TTC24: variants seen among roughly 807,000 people sequenced by gnomAD.
The protein encoded by TTC24 is tetratricopeptide repeat domain 24.
In TTC24, 54 loss-of-function variants were observed where a neutral mutation model predicts 63.3. The ratio of observed to expected loss-of-function variants is 0.85; its 90% confidence interval spans 0.69 to 1.07. The LOEUF (loss-of-function observed/expected upper bound fraction) is 1.07. Ranked by LOEUF, TTC24 falls within the 50% of genes least tolerant of loss-of-function variation. The pLI is 0.00. For synonymous variants in TTC24, 276 were observed against 304.3 expected (o/e 0.91, Z 0.97); for missense variants, 680 against 730.5 (o/e 0.93, Z 0.80).
Position 156,585,754 on chromosome 1 carries a change from G to A in TTC24, c.1498G>A (p.Ala500Thr). ...PGTVNHSHHLASSCPTFTKHT... is the reference protein window; with the variant it reads ...PGTVNHSHHLTSSCPTFTKHT... ...CACAGTGAATCATTCGCACCATCTA[G>A]CTTCTAGTTGCCCCACGTTTACCAA... The change falls in exon 9 of 11, where the codon GCT becomes ACT. Residue 500 changes from alanine (A) to threonine (T), a missense_variant. Coordinates refer to ENST00000368236, the MANE Select transcript of TTC24 (RefSeq NM_001105669.4). 6.2e-7 allele frequency: 1 copy of A among 1,613,970 alleles called. No individual in the cohort carries two copies. The highest frequency in any genetic ancestry group is 8.5e-7 in the Non-Finnish European group (1 of 1,179,890).
In TTC24 at chr1:156,581,833, T is replaced by C. The variant is rs576203714; in HGVS notation, c.469T>C (p.Trp157Arg). Residue 157 changes from tryptophan (W) to arginine (R), a missense_variant, in exon 2 of 11, where the codon TGG becomes CGG. Coordinates refer to ENST00000368236, the MANE Select transcript of TTC24 (RefSeq NM_001105669.4). Reference protein sequence around the residue: ...YQPQGDQGEAWAKMGACYQAL... With the variant: ...YQPQGDQGEARAKMGACYQAL... Reference sequence around the variant, plus strand: ...GCCACAGGGTGACCAGGGAGAAGCCTGGGCAAAAATGGGAGCCTGCTACCA... The same window carrying C: ...GCCACAGGGTGACCAGGGAGAAGCCCGGGCAAAAATGGGAGCCTGCTACCA... 2 of 1,549,866 alleles carry C rather than the reference T, an allele frequency of 1.3e-6. No homozygotes were observed. Among genetic ancestry groups the C allele is most frequent in the East Asian group, 4.9e-5 (2 of 40,880 alleles).
chr1:156,585,833 A>G lies in TTC24; in HGVS notation c.1570+7A>G. The G allele has an allele frequency of 6.2e-7, 1 of 1,607,880 alleles. No homozygotes were observed. The highest frequency in any genetic ancestry group is 8.5e-7 in the Non-Finnish European group (1 of 1,174,298). On this transcript the variant is annotated splice_region_variant and intron_variant, in intron 9 of 10. Coordinates refer to ENST00000368236, the MANE Select transcript of TTC24 (RefSeq NM_001105669.4). ...GGCAAAGCCTCCATCTATAGTGAGC[A>G]GTGCATCCCCTGACACCGCCCCAAC...
intron 3 of TTC24, 44 bp from the exon 4 acceptor site, chr1:156,582,998 G>C: frequency 6.4e-7 from 1 of 1,572,230 alleles, no homozygotes; most frequent in Non-Finnish European, 8.6e-7. Context: ...TGATGTCCCA[G>C]CAGCCAGAGT....
In TTC24 at chr1:156,583,307, GA is replaced by G. The variant is rs1373327720; in HGVS notation, c.1040-28del. The G allele has an allele frequency of 1.2e-6, 2 of 1,600,560 alleles. No individual in the cohort carries two copies. Among genetic ancestry groups the G allele is most frequent in the African/African-American group, 2.7e-5 (2 of 73,772 alleles). ...GTGGATCAGTGGGGTAGGAAGTCATGAAAGGACCTTCCAGGCTCTCTTTCTC... is the reference window on the plus strand; with the variant it reads ...GTGGATCAGTGGGGTAGGAAGTCATGAAGGACCTTCCAGGCTCTCTTTCTC... On this transcript the variant is annotated intron_variant, in intron 4 of 10. Transcript: ENST00000368236. This position sits in a 1 kb window ranked among gnomAD's most constrained non-coding sequence, Gnocchi z 4.0.
In TTC24 at chr1:156,587,262, T is replaced by C. The variant is rs562797380; in HGVS notation, c.*712T>C. ...TAGGTGCTTCACAAGTGTATTCTCC[T>C]CTAATCCTCACAACAAATATATGAG... On this transcript the variant is annotated 3_prime_UTR_variant, in exon 11 of 11. Transcript: ENST00000368236. 3.3e-5 allele frequency among the ~76,000 whole-genome samples: 5 copies of C among 152,338 alleles called. No homozygotes were observed. In the East Asian group the frequency reaches 9.6e-4, roughly 29 times the overall value.
intron 8 of TTC24, 93 bp from the exon 9 acceptor site, chr1:156,585,620 C>T (rs1213269948): frequency 4.3e-5 from 39 of 909,750 alleles, no homozygotes; most frequent in Non-Finnish European, 6.9e-5. Context: ...GCTCACTACT[C>T]AATAGCATCT....
intron 3 of TTC24, among the ~76,000 whole-genome samples, chr1:156,582,746 C>T (rs1251653872): frequency 6.6e-6 from 1 of 152,234 alleles, no homozygotes; most frequent in Admixed American, 6.5e-5. Flanking sequence ...TGAGGAACCA[C>T]TTTCACTCTC....
At chr1:156,585,256 G>C (rs1324627289) in intron 8 of TTC24, 25 bp downstream of exon 8, 3 of 1,570,914 alleles carry the variant, frequency 1.9e-6, no homozygotes, top group Non-Finnish European at 2.6e-6. Flanking sequence ...AGTATTCCTG[G>C]CGGTGCCTCT....
intron 6 of TTC24, 118 bp from the exon 7 acceptor site, chr1:156,584,759 C>T (rs1001915228): frequency 2.4e-5 from 15 of 616,780 alleles, no homozygotes; most frequent in African/African-American, 5.6e-5. Flanking sequence ...TTGTATTCTC[C>T]GAGACAAGCG....
Position 156,583,541 on chromosome 1 carries a change from C to A in TTC24, c.1152+91C>A. On this transcript the variant is annotated intron_variant, in intron 5 of 10. Transcript: ENST00000368236. The surrounding 1 kb of genome is among the most constrained non-coding windows in gnomAD (Gnocchi z 4.0). ...TTCACTCCTTGTCTTCTCCCCATCA[C>A]TCACTCAATCAGCAAACATGCACTG... 9.2e-7 allele frequency: 1 copy of A among 1,090,948 alleles called. No homozygotes were observed. The highest frequency in any genetic ancestry group is 1.3e-6 in the Non-Finnish European group (1 of 758,722). The allele number at this position is 1,090,948 out of a possible 1,614,324, so 67.6% of individuals were successfully genotyped here. A position where few individuals can be genotyped will look rare whatever the true frequency, so the allele number is the denominator to read the frequency against.
chr1:156,583,340 G>T lies in TTC24; in HGVS notation c.1042G>T (p.Asp348Tyr), dbSNP rs746096516. ...HALQAARDSG[D>Y]MKGQWQACEG... ...CTTCCAGGCTCTCTTTCTCTCAGGG[G>T]ACATGAAGGGACAGTGGCAGGCCTG... Residue 348 changes from aspartate to tyrosine, a missense_variant and splice_region_variant, in exon 5 of 11, where the codon GAC (aspartate) becomes TAC (tyrosine). Physicochemically the swap from Asp to Tyr is radical, Grantham distance 160 (BLOSUM62 -3). Coordinates refer to ENST00000368236, the MANE Select transcript of TTC24 (RefSeq NM_001105669.4). The surrounding 1 kb of genome is among the most constrained non-coding windows in gnomAD (Gnocchi z 4.0). 5.0e-6 allele frequency: 8 copies of T among 1,612,686 alleles called. No individual in the cohort carries two copies. Among genetic ancestry groups the T allele is most frequent in the Non-Finnish European group, 6.8e-6 (8 of 1,179,388 alleles).
chr1:156,582,513 G>A, intron 3 of TTC24, 79 bp downstream of exon 3: 1 of 1,349,688 alleles, frequency 7.4e-7, no homozygotes. Flanking sequence ...AGGCTTAAGG[G>A]TGGATGGCCC....
intron 1 of TTC24, among the ~76,000 whole-genome samples, chr1:156,581,131 G>A (rs1216502484): frequency 2.6e-5 from 4 of 152,204 alleles, no homozygotes; most frequent in Non-Finnish European, 2.9e-5. Flanking sequence ...GAAGTAAGCT[G>A]TTACTTGACT....
chr1:156,585,955 G>A lies in TTC24; in HGVS notation c.1577G>A (p.Gly526Glu), dbSNP rs1390344409. The change falls in exon 10 of 11, where the codon GGA becomes GAA. Residue 526 changes from glycine to glutamate, a missense_variant. Transcript: ENST00000368236. The part of the protein sequence containing the change: ...VLGKASIYSP[G>E]PRAHLPFVGP... ...TCTGTCCTTCTCCATCTAGGTCCAG[G>A]ACCCAGGGCCCATCTTCCATTTGTA... The A allele has an allele frequency of 2.5e-6, 4 of 1,602,394 alleles. No homozygotes were observed. The highest frequency in any genetic ancestry group is 2.3e-5 in the East Asian group (1 of 44,442).
Position 156,587,709 on chromosome 1 carries a change from A to G in TTC24, c.*1159A>G, listed in dbSNP as rs986568568. ...TTTATCTTTAAAAAAAAATAAATTG[A>G]TGAACTGAGAGTGGGAAAAGCAGCA... On this transcript the variant is annotated 3_prime_UTR_variant, in exon 11 of 11. Transcript: ENST00000368236. 1.3e-5 allele frequency among the ~76,000 whole-genome samples: 2 copies of G among 152,190 alleles called. No individual in the cohort carries two copies. The highest frequency in any genetic ancestry group is 2.9e-5 in the Non-Finnish European group (2 of 68,034).
chr1:156,582,964 C>T lies in TTC24; in HGVS notation c.911-78C>T, dbSNP rs1677043466. ...GCACCAGGCCTCCTGGGAGGTCTGT[C>T]TTGGTTGCTGGAGGGTGGGGTCCTG... On this transcript the variant is annotated intron_variant, in intron 3 of 10. Transcript: ENST00000368236. 7.1e-6 allele frequency: 11 copies of T among 1,541,410 alleles called. No homozygotes were observed. In the South Asian group the frequency reaches 1.0e-4, roughly 14 times the overall value.
In TTC24 at chr1:156,585,796, G is replaced by C. The variant is rs371668244; in HGVS notation, c.1540G>C (p.Gly514Arg). The C allele has an allele frequency of 6.2e-7, 1 of 1,613,946 alleles. No homozygotes were observed. Among genetic ancestry groups the C allele is most frequent in the Non-Finnish European group, 8.5e-7 (1 of 1,179,834 alleles). ...PTFTKHTPCR[G>R]TVLGKASIYS... is the part of the protein sequence containing the mutation. ...GTTTACCAAGCACACGCCCTGCAGA[G>C]GGACAGTCCTCGGCAAAGCCTCCAT... The change falls in exon 9 of 11, where the codon GGG becomes CGG. Residue 514 changes from glycine to arginine, a missense_variant. Transcript: ENST00000368236.
chr1:156,585,311 G>A lies in TTC24; in HGVS notation c.1456+80G>A, dbSNP rs1420744027. The A allele has an allele frequency of 5.2e-5, 56 of 1,068,186 alleles. No homozygotes were observed. In the African/African-American group the frequency reaches 6.5e-4, roughly 12 times the overall value. The allele number at this position is 1,068,186 out of a possible 1,614,324, so 66.2% of individuals were successfully genotyped here. ...CTCCCACCCCCACCCGCCTGCCTCC[G>A]CTTCTTATGCCCATCCCACCATCCC... On this transcript the variant is annotated intron_variant, in intron 8 of 10. Transcript: ENST00000368236.
At chr1:156,585,485 A>G in intron 8 of TTC24, 2 of 601,430 alleles carry the variant, frequency 3.3e-6, no homozygotes, top group Non-Finnish European at 2.9e-6. Context: ...CCCTTCTAGA[A>G]CTCCCTCTTC....
Sources: gnomAD v4.1 joint callset for allele counts (sites outside exome capture counted in the v4.1 genomes callset) on GRCh38, gnomAD v4.1.1 for gene constraint, Gnocchi (gnomAD v3.1) non-coding constraint, MANE v1.5 for transcripts, NCBI Gene and HGNC (gene_info 2026-07-23, HGNC 2026-07-21) for gene names.